The following STARD7 variants were observed in gnomAD, a reference collection of about 807,000 sequenced individuals.
The protein encoded by STARD7 is StAR related lipid transfer domain containing 7, also known as stAR-related lipid transfer protein 7, mitochondrial.
Under a neutral mutation model 45.3 loss-of-function variants are expected in STARD7, and 30 were observed. The ratio of observed to expected loss-of-function variants is 0.66; its 90% CI spans 0.50 to 0.90. The LOEUF (loss-of-function observed/expected upper bound fraction) is 0.90. Ranked by LOEUF, STARD7 falls within the 40% of genes least tolerant of loss-of-function variation. The pLI, the probability that STARD7 is intolerant of heterozygous loss-of-function variation, is 0.00. For missense variants in STARD7, 495 were observed against 491.3 expected, an observed-to-expected ratio of 1.01 and a Z score of -0.07; for synonymous variants, 199 against 183.0, an observed-to-expected ratio of 1.09 and a Z score of -0.70.
intron 3 of STARD7, among the ~76,000 whole-genome samples, chr2:96,194,246 T>C (rs1573941883): frequency 6.6e-6 from 1 of 151,834 alleles, no homozygotes; most frequent in Non-Finnish European, 1.5e-5. Context: ...CCTGTAGGCC[T>C]GGAAGCTGAG....
At position 96,186,667 on chromosome 2, in the gene STARD7, G is replaced by T; in HGVS notation, c.*63C>A. 7.5e-7 allele frequency: 1 copy of T among 1,330,656 alleles called. No homozygotes were observed. The highest frequency in any genetic ancestry group is 1.0e-6 in the Non-Finnish European group (1 of 971,514). The allele number at this position is 1,330,656 out of a possible 1,614,324, so 82.4% of individuals were successfully genotyped here. ...ACATGTGGCATGTCCCCCTTCTACA[G>T]CAGAGTGATAACGGACTGAGACAGG... is the stretch of plus-strand genomic sequence containing the variant. On this transcript the variant is annotated 3_prime_UTR_variant, in exon 8 of 8. Coordinates refer to ENST00000337288, the MANE Select transcript of STARD7 (RefSeq NM_020151.4).
At chr2:96,198,954 A>C (rs1433811588) in intron 1 of STARD7, among the ~76,000 whole-genome samples, 3 of 152,172 alleles carry the variant, frequency 2.0e-5, no homozygotes, top group African/African-American at 7.2e-5. Flanking sequence ...TTCCCCAGTG[A>C]ACTATCCTGG....
chr2:96,193,155 T>C lies in STARD7; in HGVS notation c.666A>G (p.Pro222=), dbSNP rs537677247. The C allele has an allele frequency of 1.2e-6, 2 of 1,610,790 alleles. No individual in the cohort carries two copies. Among genetic ancestry groups the C allele is most frequent in the South Asian group, 1.1e-5 (1 of 91,012 alleles). ...CATAAACATAATCCCGTGAGTACAT[T>C]GGATACTAAAGAAATGGAGGAGCAG... ...VLHWVTHFPY[P]MYSRDYVYVR... The change falls in exon 5 of 8, where the codon CCA becomes CCG. Residue 222 remains proline (P), a synonymous_variant. Transcript: ENST00000337288.
intron 1 of STARD7, among the ~76,000 whole-genome samples, chr2:96,195,775 T>C (rs932027966): frequency 6.6e-6 from 1 of 152,074 alleles, no homozygotes; most frequent in African/African-American, 2.4e-5. Context: ...ATCTATAAAA[T>C]GGAAATAATA....
intron 1 of STARD7, among the ~76,000 whole-genome samples, chr2:96,205,521 T>C (rs1380805403): frequency 1.3e-5 from 2 of 152,308 alleles, no homozygotes; most frequent in East Asian, 3.9e-4. Flanking sequence ...CATGCTCTTT[T>C]TCCATTAACA....
chr2:96,187,083 G>C (rs1192961357), intron 7 of STARD7, 134 bp downstream of exon 7: 7 of 893,076 alleles, frequency 7.8e-6, no homozygotes, highest in Admixed American at 2.9e-5. Flanking sequence ...CCAAAGCATG[G>C]GTTGTGAAAA....
intron 1 of STARD7, among the ~76,000 whole-genome samples, chr2:96,198,239 C>T (rs1376103025): frequency 2.0e-5 from 3 of 151,698 alleles, no homozygotes; most frequent in Non-Finnish European, 2.9e-5. Flanking sequence ...AGGAGAATTG[C>T]TTGAACCCAG....
chr2:96,189,966 ATTTAT>A (rs1199417551), intron 6 of STARD7, among the ~76,000 whole-genome samples: 3 of 152,048 alleles, frequency 2.0e-5, no homozygotes, highest in African/African-American at 7.2e-5. Context: ...TATACTTAGG[ATTTAT>A]TTTATCTTAA....
intron 1 of STARD7, among the ~76,000 whole-genome samples, chr2:96,206,277 G>A (rs1683387696): frequency 6.6e-6 from 1 of 152,044 alleles, no homozygotes; most frequent in South Asian, 2.1e-4. Context: ...CCATAAAAAT[G>A]CATAAAATAA....
chr2:96,192,354 T>G lies in STARD7; in HGVS notation c.843+15A>C, dbSNP rs1335976069. The G allele has an allele frequency of 4.4e-6, 7 of 1,582,650 alleles. No homozygotes were observed. The Admixed American group carries it at 1.2e-4, about 26-fold the overall frequency. On this transcript the variant is annotated intron_variant, in intron 6 of 7. Transcript: ENST00000337288. ...CAGCCATGACATGTTATCTCTTGGA[T>G]GAGGTAAAACTCACCTCATCAAATG...
rs779028225 is a variant in STARD7, at chr2:96,186,541, G to C, written c.*189C>G. 1 of 447,250 alleles carries C rather than the reference G, an allele frequency of 2.2e-6. No homozygotes were observed. The highest frequency in any genetic ancestry group is 3.9e-6 in the Non-Finnish European group (1 of 255,990). The allele number at this position is 447,250 out of a possible 1,614,324, so 27.7% of individuals were successfully genotyped here. ...ATATGACAACACTCCCACAAATGTA[G>C]CCTTCTTCTGTTTTGATAAGAGCAA... On this transcript the variant is annotated 3_prime_UTR_variant, in exon 8 of 8. Coordinates refer to ENST00000337288, the MANE Select transcript of STARD7 (RefSeq NM_020151.4).
intron 6 of STARD7, among the ~76,000 whole-genome samples, chr2:96,189,676 A>G (rs1353920351): frequency 6.7e-6 from 1 of 149,656 alleles, no homozygotes; most frequent in African/African-American, 2.4e-5. Flanking sequence ...ACTGCACTCC[A>G]GCCTGCACAA....
chr2:96,208,795 CA>C lies in STARD7; in HGVS notation c.-362del. On this transcript the variant is annotated 5_prime_UTR_variant, in exon 1 of 8. Transcript: ENST00000337288. ...GAGACAGACAGCTCAGGCCCAGCAG[CA>C]CGCAAGCTCCCGCGCCTTCCGCGAC... The C allele has an allele frequency of 2.5e-6, 1 of 403,098 alleles. No individual in the cohort carries two copies. The highest frequency in any genetic ancestry group is 4.4e-6 in the Non-Finnish European group (1 of 227,252). The allele number at this position is 403,098 out of a possible 1,614,324, so 25.0% of individuals were successfully genotyped here.
rs866365292 is a variant in STARD7, at chr2:96,193,323, A to G, written c.579T>C (p.Asp193=). The change falls in exon 4 of 8, where the codon GAT becomes GAC. Residue 193 remains aspartate (D), a synonymous_variant. Coordinates refer to ENST00000337288, the MANE Select transcript of STARD7 (RefSeq NM_020151.4). ...TCACCTCCAGCTTGATTACCAGGGC[A>G]TCCCATTTTTTTCTATACTCTGTGT... The part of the protein sequence containing the change: ...QLDTEYRKKW[D]ALVIKLEVIE... 1.3e-5 allele frequency: 21 copies of G among 1,613,844 alleles called. No homozygotes were observed. In the Middle Eastern group the frequency reaches 3.5e-3, roughly 266 times the overall value.
chr2:96,207,221 A>C (rs1311691699), intron 1 of STARD7, among the ~76,000 whole-genome samples: 1 of 152,190 alleles, frequency 6.6e-6, no homozygotes, highest in Non-Finnish European at 1.5e-5. Flanking sequence ...TTCCATTTTT[A>C]ACCTAACAAA....
At chr2:96,205,059 A>T (rs1683367260) in intron 1 of STARD7, among the ~76,000 whole-genome samples, 1 of 152,164 alleles carries the variant, frequency 6.6e-6, no homozygotes, top group African/African-American at 2.4e-5. Context: ...CAAAAACATG[A>T]CTACTGTATT....
rs1261871251 is a variant in STARD7, at chr2:96,208,214, G to A, written c.221C>T (p.Ala74Val). Residue 74 changes from alanine to valine, a missense_variant, in exon 1 of 8, where the codon GCC (alanine) becomes GTC (valine). By Grantham distance (64) the Ala-to-Val change is moderately conservative. Transcript: ENST00000337288. The part of the protein sequence containing the change: ...RLHGRPGHAS[A>V]LMAALAGVFV... ...GACGCCGGCTAACGCCGCCATCAAG[G>A]CAGAGGCATGGCCAGGACGGCCGTG... 5 of 1,612,414 alleles carry A rather than the reference G, an allele frequency of 3.1e-6. No individual in the cohort carries two copies. In the South Asian group the frequency reaches 4.4e-5, roughly 14 times the overall value.
chr2:96,191,323 A>C (rs1381036722), intron 6 of STARD7, among the ~76,000 whole-genome samples: 1 of 152,246 alleles, frequency 6.6e-6, no homozygotes, highest in Non-Finnish European at 1.5e-5. Context: ...CCATAAGTTG[A>C]TAACTGGAGC....
intron 6 of STARD7, among the ~76,000 whole-genome samples, chr2:96,190,780 C>A (rs1048800698): frequency 6.6e-6 from 1 of 152,074 alleles, no homozygotes; most frequent in Non-Finnish European, 1.5e-5. Context: ...GCAGCTGGGA[C>A]TACAGGCACA....
Sources: gnomAD v4.1 joint callset for allele counts (sites outside exome capture counted in the v4.1 genomes callset) on GRCh38, gnomAD v4.1.1 for gene constraint, MANE v1.5 for transcripts, NCBI Gene and HGNC (gene_info 2026-07-23, HGNC 2026-07-21) for gene names.